The following USP32 variants were observed in gnomAD, a reference collection of about 807,000 sequenced individuals.
USP32 encodes the protein ubiquitin carboxyl-terminal hydrolase 32.
In USP32, 59 loss-of-function variants were observed where a neutral mutation model predicts 204.8. The ratio of observed to expected loss-of-function variants is 0.29; its 90% CI spans 0.23 to 0.36. USP32 has a LOEUF of 0.36. USP32 is among the 10% of genes least tolerant of loss of function. USP32 has a pLI of 1.00. For missense variants in USP32, 1,160 were observed against 1,946.4 expected (o/e 0.60, Z 7.60); for synonymous variants, 517 against 678.4 (o/e 0.76, Z 3.70).
chr17:60,228,342 C>G (rs1383003209), intron 12 of USP32, among the ~76,000 whole-genome samples: 1 of 152,114 alleles, frequency 6.6e-6, no homozygotes, highest in African/African-American at 2.4e-5. Context: ...GTAGACAAGA[C>G]AGTAGAACCA....
At position 60,190,426 on chromosome 17, in the gene USP32, T is replaced by C. The variant is rs1310912237; in HGVS notation, c.3642+137A>G. The C allele has an allele frequency of 2.5e-6, 3 of 1,206,712 alleles. No individual in the cohort carries two copies. The African/African-American group carries it at 4.8e-5, about 19-fold the overall frequency. 74.8% of individuals were successfully genotyped at this position (1,206,712 alleles called of 1,614,324 possible). On this transcript the variant is annotated intron_variant, in intron 29 of 33. Coordinates refer to ENST00000300896, the MANE Select transcript of USP32 (RefSeq NM_032582.4). The stretch of plus-strand genomic sequence containing the variant: ...AAGCTCAAGCAAACATGTCAATATA[T>C]TAGGTGCCATAGAGGATGCCAATGA...
chr17:60,297,778 T>C (rs1400669559), intron 3 of USP32, among the ~76,000 whole-genome samples: 3 of 152,072 alleles, frequency 2.0e-5, no homozygotes, highest in Admixed American at 2.0e-4. Context: ...GCCTGGCCAT[T>C]TTTCTTTTTC....
intron 3 of USP32, among the ~76,000 whole-genome samples, chr17:60,295,784 G>A (rs1486096541): frequency 1.8e-4 from 27 of 152,004 alleles, no homozygotes; most frequent in Admixed American, 1.8e-3. Flanking sequence ...ATATCTTACT[G>A]TGCCTAATTT....
At chr17:60,252,197 C>G (rs902222248) in intron 11 of USP32, among the ~76,000 whole-genome samples, 184 bp downstream of exon 11, 2 of 151,898 alleles carry the variant, frequency 1.3e-5, no homozygotes, top group Non-Finnish European at 2.9e-5. Flanking sequence ...TAGAATTTGC[C>G]TTCTTAATTA....
intron 2 of USP32, among the ~76,000 whole-genome samples, chr17:60,304,667 T>C (rs2087678532): frequency 1.3e-5 from 2 of 152,160 alleles, no homozygotes; most frequent in Admixed American, 1.3e-4. Flanking sequence ...GAATTGGAAG[T>C]ATACTGTTGT....
intron 1 of USP32, among the ~76,000 whole-genome samples, chr17:60,385,598 T>G (rs182634606): frequency 7.9e-5 from 12 of 151,864 alleles, no homozygotes; most frequent in Non-Finnish European, 1.6e-4. Context: ...TCTCAGCACT[T>G]TGGGAGGCCA....
chr17:60,224,329 T>C (rs1395679749), intron 13 of USP32, among the ~76,000 whole-genome samples: 2 of 152,212 alleles, frequency 1.3e-5, no homozygotes, highest in Non-Finnish European at 2.9e-5. Context: ...ATAATCCTCA[T>C]GTTAAAGCTG....
intron 26 of USP32, among the ~76,000 whole-genome samples, chr17:60,202,057 T>C (rs2084691157): frequency 6.6e-6 from 1 of 152,194 alleles, no homozygotes; most frequent in Non-Finnish European, 1.5e-5. Flanking sequence ...TGTTTCATTG[T>C]TTTGCTTTCA....
chr17:60,348,361 TAAGA>T (rs2088839706), intron 1 of USP32, among the ~76,000 whole-genome samples: 1 of 151,100 alleles, frequency 6.6e-6, no homozygotes, highest in Non-Finnish European at 1.5e-5. Flanking sequence ...AGGGAAAAAC[TAAGA>T]AAGAGAAAGA....
chr17:60,245,148 T>C (rs1186023090), intron 11 of USP32: 3 of 166,988 alleles, frequency 1.8e-5, no homozygotes, highest in Non-Finnish European at 3.8e-5. Flanking sequence ...TTTAAACCAG[T>C]AAAAAATAAA....
intron 2 of USP32, among the ~76,000 whole-genome samples, chr17:60,344,946 GCA>G (rs1567864058): frequency 6.6e-6 from 1 of 152,108 alleles, no homozygotes. Context: ...CTACAGGGAC[GCA>G]CAGTGGCGCC....
chr17:60,249,716 C>A (rs1300566838), intron 11 of USP32: 2 of 700,184 alleles, frequency 2.9e-6, no homozygotes, highest in Middle Eastern at 2.3e-4. Flanking sequence ...ATAAATGCTT[C>A]TCAATTTCTT....
chr17:60,357,050 T>C (rs1033902206), intron 1 of USP32, among the ~76,000 whole-genome samples: 7 of 152,226 alleles, frequency 4.6e-5, no homozygotes, highest in Non-Finnish European at 8.8e-5. Context: ...ATTGCATCAC[T>C]GCACTCCAGC....
At chr17:60,358,086 T>C (rs1194918211) in intron 1 of USP32, among the ~76,000 whole-genome samples, 1 of 152,144 alleles carries the variant, frequency 6.6e-6, no homozygotes, top group Non-Finnish European at 1.5e-5. Context: ...CATTTTTAAA[T>C]GACTTTTTCC....
At chr17:60,268,784 A>G (rs2086661301) in intron 7 of USP32, among the ~76,000 whole-genome samples, 1 of 152,170 alleles carries the variant, frequency 6.6e-6, no homozygotes, top group South Asian at 2.1e-4. Flanking sequence ...ATAGTACAAC[A>G]GTACTAAATA....
chr17:60,205,789 T>C (rs2084810450), intron 25 of USP32, 131 bp from the exon 26 acceptor site: 1 of 1,148,404 alleles, frequency 8.7e-7, no homozygotes. Context: ...ACAGTATAAA[T>C]AATTCTAGAT....
intron 12 of USP32, among the ~76,000 whole-genome samples, chr17:60,232,311 TGCAG>T (rs2085583854): frequency 6.6e-6 from 1 of 150,832 alleles, no homozygotes; most frequent in Non-Finnish European, 1.5e-5. Context: ...TAGCTGGAAC[TGCAG>T]GCACACGCCA....
intron 1 of USP32, among the ~76,000 whole-genome samples, chr17:60,360,558 C>T (rs2089185108): frequency 6.6e-6 from 1 of 151,682 alleles, no homozygotes; most frequent in African/African-American, 2.4e-5. Flanking sequence ...ACTTGGGAGG[C>T]TGAGGCAGGA....
chr17:60,203,396 CAAAAAAAA>C (rs554691150), intron 26 of USP32, among the ~76,000 whole-genome samples: 20 of 24,380 alleles, frequency 8.2e-4, no homozygotes, highest in Admixed American at 1.9e-3. Context: ...GCGAGACTGT[CAAAAAAAA>C]AAAAAAAAAA....
Sources: allele counts gnomAD v4.1 joint callset (sites outside exome capture counted in the v4.1 genomes callset), GRCh38; gene constraint gnomAD v4.1.1; transcripts MANE v1.5; gene names NCBI Gene and HGNC (gene_info 2026-07-23, HGNC 2026-07-21).